INPP4B: variants seen among roughly 807,000 people sequenced by gnomAD.
INPP4B encodes inositol polyphosphate-4-phosphatase type II B.
In INPP4B, 55 loss-of-function variants were observed where a neutral mutation model predicts 122.5. The observed-to-expected ratio is 0.45, with a 90% CI of 0.36 to 0.56. The LOEUF is 0.56. INPP4B is among the 20% of genes least tolerant of loss of function. The pLI, the probability that INPP4B is intolerant of heterozygous loss-of-function variation, is 0.00. For missense variants in INPP4B, 1,000 were observed against 1,097.7 expected (o/e 0.91, Z 1.26); for synonymous variants, 403 against 388.7 (o/e 1.04, Z -0.43).
At chr4:142,612,747 T>C (rs1742838521) in intron 2 of INPP4B, among the ~76,000 whole-genome samples, 1 of 152,112 alleles carries the variant, frequency 6.6e-6, no homozygotes, top group Non-Finnish European at 1.5e-5. Context: ...GGCTCCACCC[T>C]CATGACCTAA....
intron 2 of INPP4B, among the ~76,000 whole-genome samples, chr4:142,702,090 C>T (rs76493402): frequency 6.6e-6 from 1 of 152,094 alleles, no homozygotes; most frequent in Non-Finnish European, 1.5e-5. Flanking sequence ...AGCAGTCTTA[C>T]CAATACAAGG....
intron 16 of INPP4B, 53 bp from the exon 17 acceptor site, chr4:142,160,614 G>C: frequency 7.2e-7 from 1 of 1,393,426 alleles, no homozygotes. Context: ...TCTCAGCATA[G>C]AGCTGTGAAA....
At chr4:142,639,522 GTTGT>G (rs1178173574) in intron 2 of INPP4B, among the ~76,000 whole-genome samples, 6 of 152,072 alleles carry the variant, frequency 3.9e-5, no homozygotes, top group Non-Finnish European at 5.9e-5. Flanking sequence ...TTGGCATAGA[GTTGT>G]TTATTAAAAT....
At chr4:142,241,507 C>T (rs941753135) in intron 11 of INPP4B, among the ~76,000 whole-genome samples, 1 of 152,030 alleles carries the variant, frequency 6.6e-6, no homozygotes, top group Non-Finnish European at 1.5e-5. Context: ...ATTGTTTCTC[C>T]CAGATTGTAA....
chr4:142,554,549 CAAGG>C, intron 2 of INPP4B, among the ~76,000 whole-genome samples: 1 of 152,186 alleles, frequency 6.6e-6, no homozygotes, highest in African/African-American at 2.4e-5. Context: ...AACTACTGGA[CAAGG>C]TACTGTGAGA....
At chr4:142,824,608 C>T (rs1240460835) in intron 1 of INPP4B, among the ~76,000 whole-genome samples, 1 of 152,100 alleles carries the variant, frequency 6.6e-6, no homozygotes, top group Non-Finnish European at 1.5e-5. Context: ...CAGAAGCTTT[C>T]TCTGCACAGT....
intron 2 of INPP4B, among the ~76,000 whole-genome samples, chr4:142,542,054 C>T (rs1230432288): frequency 6.6e-6 from 1 of 152,176 alleles, no homozygotes; most frequent in Non-Finnish European, 1.5e-5. Context: ...TTCCAGAGTG[C>T]ACATTTCCAG....
At chr4:142,133,517 A>G (rs1195368476) in intron 18 of INPP4B, among the ~76,000 whole-genome samples, 2 of 152,142 alleles carry the variant, frequency 1.3e-5, no homozygotes, top group Non-Finnish European at 2.9e-5. Context: ...GTATAGTCTA[A>G]TCTCAACACA....
At chr4:142,044,858 A>G (rs569208405) in intron 25 of INPP4B, among the ~76,000 whole-genome samples, 8 of 152,296 alleles carry the variant, frequency 5.3e-5, no homozygotes, top group African/African-American at 1.9e-4. Context: ...GTCAGAGTCC[A>G]CAACCACAAA....
At position 142,655,335 on chromosome 4, in the gene INPP4B, A is replaced by G. The variant is rs1040153656; in HGVS notation, c.-191+70504T>C. 4.6e-5 allele frequency among the ~76,000 whole-genome samples: 7 copies of G among 152,322 alleles called. No individual in the cohort carries two copies. The South Asian group carries it at 6.2e-4, about 14-fold the overall frequency. ...CTAAGCTTTCATTTACAGGGAATAG[A>G]TTAAAATTTTCCATCTTCAGTGAGT... On this transcript the variant is annotated intron_variant, in intron 2 of 25. Transcript: ENST00000262992.
chr4:142,511,531 C>A (rs1231510265), intron 2 of INPP4B, among the ~76,000 whole-genome samples: 1 of 152,004 alleles, frequency 6.6e-6, no homozygotes, highest in African/African-American at 2.4e-5. Flanking sequence ...TTTTGGAAAA[C>A]AATACTATAG....
chr4:142,825,675 G>A (rs549206409), intron 1 of INPP4B, among the ~76,000 whole-genome samples: 12 of 152,160 alleles, frequency 7.9e-5, no homozygotes, highest in African/African-American at 2.9e-4. Context: ...TAGAGTATAT[G>A]GGGAGAGCTT....
intron 1 of INPP4B, among the ~76,000 whole-genome samples, chr4:142,786,684 G>A (rs531369644): frequency 1.6e-4 from 25 of 152,166 alleles, no homozygotes; most frequent in African/African-American, 5.8e-4. Flanking sequence ...TTGACAATAT[G>A]TACCCTCAAT....
rs774826907 is a variant in INPP4B at position 142,082,111 on chromosome 4, T to C, written c.2562A>G (p.Thr854=). The change falls in exon 25 of 26, where the codon ACA becomes ACG. Residue 854 remains threonine (T), a synonymous_variant. Coordinates refer to ENST00000262992, the MANE Select transcript of INPP4B (RefSeq NM_001101669.3). ...CTCTCAAGATTGAGCATTGTTCAAG[T>C]GTCACTGACATCGATGTCCTGTCTT... The part of the protein sequence containing the change: ...SAKDRTSMSV[T]LEQCSILRDE... 1 of 1,527,552 alleles carries C rather than the reference T, an allele frequency of 6.5e-7. No homozygotes were observed. Among genetic ancestry groups the C allele is most frequent in the East Asian group, 2.3e-5 (1 of 43,886 alleles). The allele number at this position is 1,527,552 out of a possible 1,614,324, so 94.6% of individuals were successfully genotyped here.
At chr4:142,568,884 G>A (rs1732210780) in intron 2 of INPP4B, among the ~76,000 whole-genome samples, 1 of 152,060 alleles carries the variant, frequency 6.6e-6, no homozygotes, top group Admixed American at 6.6e-5. Context: ...ATAGGCATAT[G>A]GAACAAATTA....
At chr4:142,334,800 T>C (rs1775973250) in intron 7 of INPP4B, among the ~76,000 whole-genome samples, 3 of 152,152 alleles carry the variant, frequency 2.0e-5, no homozygotes, top group Non-Finnish European at 4.4e-5. Flanking sequence ...ACTGAATTAT[T>C]TGTTGTTGTT....
chr4:142,112,649 G>A lies in INPP4B; in HGVS notation c.2169C>T (p.Ala723=), dbSNP rs376859157. ...EHYVVEVKLP[A]RMFESLPLQI... ...GTAGAGGTAGTGACTCAAACATTCT[G>A]GCTGGAAGCTTGACCTCTACCACGT... Residue 723 remains alanine (A), a synonymous_variant, in exon 22 of 26, where the codon GCC becomes GCT. Coordinates refer to ENST00000262992, the MANE Select transcript of INPP4B (RefSeq NM_001101669.3). The A allele has an allele frequency of 9.9e-6, 16 of 1,612,698 alleles. No individual in the cohort carries two copies. In the African/African-American group the frequency reaches 2.0e-4, roughly 20 times the overall value.
chr4:142,221,181 C>T (rs751604992), intron 12 of INPP4B, among the ~76,000 whole-genome samples: 1 of 151,896 alleles, frequency 6.6e-6, no homozygotes, highest in Non-Finnish European at 1.5e-5. Flanking sequence ...GAGTGGATCA[C>T]GAGGTCAGGA....
chr4:142,676,651 C>T (rs1244342057), intron 2 of INPP4B, among the ~76,000 whole-genome samples: 2 of 151,996 alleles, frequency 1.3e-5, no homozygotes, highest in Non-Finnish European at 2.9e-5. Flanking sequence ...ATATATAGAC[C>T]AATGGAACAT....
Sources: allele counts gnomAD v4.1 joint callset (sites outside exome capture counted in the v4.1 genomes callset), GRCh38; gene constraint gnomAD v4.1.1; transcripts MANE v1.5; gene names NCBI Gene and HGNC (gene_info 2026-07-23, HGNC 2026-07-21).